EPHA6: variants seen among roughly 807,000 people sequenced by gnomAD.
The protein encoded by EPHA6 is EPH receptor A6, also known as ephrin type-A receptor 6.
In EPHA6, 50 loss-of-function variants were observed where a neutral mutation model predicts 112.0. The observed-to-expected ratio is 0.45, with a 90% confidence interval of 0.36 to 0.56. The LOEUF (loss-of-function observed/expected upper bound fraction) is 0.56. Ranked by LOEUF, EPHA6 falls within the 20% of genes least tolerant of loss-of-function variation. The pLI is 0.00. For synonymous variants in EPHA6, 529 were observed against 490.7 expected (o/e 1.08, Z -1.03); for missense variants, 1,280 against 1,417.4 (o/e 0.90, Z 1.56).
chr3:97,322,251 G>A lies in EPHA6; in HGVS notation c.1606+77964G>A, dbSNP rs369168462. 6.4e-4 allele frequency among the ~76,000 whole-genome samples: 97 copies of A among 152,104 alleles called. 1 individual carries two copies. The highest frequency in any genetic ancestry group is 2.3e-3 in the African/African-American group (96 of 41,478). On this transcript the variant is annotated intron_variant, in intron 5 of 17. Transcript: ENST00000389672. Reference sequence around the variant, plus strand: ...ATTTGTTTTTTAAGCCTCTGAGTTAGAGAAATATTTTGAATTTTGTACCAC... The same window carrying A: ...ATTTGTTTTTTAAGCCTCTGAGTTAAAGAAATATTTTGAATTTTGTACCAC...
At chr3:96,864,708 A>T (rs2107445510) in intron 1 of EPHA6, among the ~76,000 whole-genome samples, 1 of 152,176 alleles carries the variant, frequency 6.6e-6, no homozygotes. Context: ...AAATTTTAAT[A>T]AATCTAACTG....
intron 5 of EPHA6, among the ~76,000 whole-genome samples, chr3:97,348,196 T>C (rs1378771632): frequency 1.3e-5 from 2 of 152,128 alleles, no homozygotes; most frequent in African/African-American, 4.8e-5. Flanking sequence ...CTAAGTATTA[T>C]GTTTCTAAAA....
intron 3 of EPHA6, among the ~76,000 whole-genome samples, chr3:97,208,300 TA>T (rs2077768304): frequency 6.6e-6 from 1 of 152,224 alleles, no homozygotes; most frequent in South Asian, 2.1e-4. Context: ...TTTGGCAAGC[TA>T]TTTTAAAATA....
At chr3:97,543,595 T>C (rs903214593) in intron 11 of EPHA6, among the ~76,000 whole-genome samples, 1 of 152,192 alleles carries the variant, frequency 6.6e-6, no homozygotes, top group African/African-American at 2.4e-5. Flanking sequence ...TTTGGTTCCA[T>C]ATGAACTTTA....
At chr3:96,944,213 G>A (rs2041132305) in intron 2 of EPHA6, among the ~76,000 whole-genome samples, 1 of 151,930 alleles carries the variant, frequency 6.6e-6, no homozygotes, top group South Asian at 2.1e-4. Context: ...CACTCACATT[G>A]TCTACTTTAA....
At chr3:96,924,746 C>T (rs1384492137) in intron 2 of EPHA6, among the ~76,000 whole-genome samples, 3 of 152,096 alleles carry the variant, frequency 2.0e-5, no homozygotes, top group Non-Finnish European at 2.9e-5. Context: ...AGCTTTTGCA[C>T]ATTCAGTATG....
intron 5 of EPHA6, among the ~76,000 whole-genome samples, chr3:97,390,133 A>C (rs2086315649): frequency 6.6e-6 from 1 of 152,108 alleles, no homozygotes; most frequent in Non-Finnish European, 1.5e-5. Context: ...CAGCTGTGAA[A>C]ACACCTGGCT....
At chr3:97,487,336 AT>A (rs2091721759) in intron 10 of EPHA6, among the ~76,000 whole-genome samples, 1 of 152,270 alleles carries the variant, frequency 6.6e-6, no homozygotes, top group African/African-American at 2.4e-5. Context: ...TCAGAAATAA[AT>A]GTAAAACAGC....
At chr3:97,432,310 C>T (rs2089558539) in intron 6 of EPHA6, among the ~76,000 whole-genome samples, 1 of 152,098 alleles carries the variant, frequency 6.6e-6, no homozygotes, top group African/African-American at 2.4e-5. Context: ...ATGTTTTCAG[C>T]AACAACACAA....
intron 3 of EPHA6, among the ~76,000 whole-genome samples, chr3:97,197,572 C>T (rs1437790969): frequency 6.6e-6 from 1 of 151,728 alleles, no homozygotes; most frequent in Non-Finnish European, 1.5e-5. Context: ...TCTCTCCTTT[C>T]CCCTTTCTTT....
chr3:97,419,548 C>T (rs1412011222), intron 6 of EPHA6, among the ~76,000 whole-genome samples: 1 of 152,038 alleles, frequency 6.6e-6, no homozygotes, highest in East Asian at 1.9e-4. Flanking sequence ...TCGCTTGAAC[C>T]TGGGAGGCGG....
intron 5 of EPHA6, among the ~76,000 whole-genome samples, chr3:97,328,058 T>TAAATATAA (rs2082567716): frequency 7.0e-6 from 1 of 143,000 alleles, no homozygotes; most frequent in African/African-American, 2.7e-5. Context: ...TATACACATA[T>TAAATATAA]ATATATATAT....
At chr3:96,913,971 A>G (rs2039359937) in intron 2 of EPHA6, among the ~76,000 whole-genome samples, 1 of 152,150 alleles carries the variant, frequency 6.6e-6, no homozygotes, top group South Asian at 2.1e-4. Context: ...AATAATGTCT[A>G]TATTTCAAGC....
intron 3 of EPHA6, among the ~76,000 whole-genome samples, chr3:97,142,663 T>C (rs2075941628): frequency 1.3e-5 from 2 of 151,516 alleles, no homozygotes; most frequent in Admixed American, 1.3e-4. Flanking sequence ...TGAAATTGAG[T>C]CAGTAATAAA....
chr3:97,539,091 CCTTCCTTCCTTCCTTT>C (rs1255891992), intron 11 of EPHA6, among the ~76,000 whole-genome samples: 29 of 139,748 alleles, frequency 2.1e-4, no homozygotes, highest in African/African-American at 5.3e-4. Context: ...TTCCTTCCTT[CCTTCCTTCCTTCCTTT>C]CTTTCTTTCT....
At chr3:97,732,256 C>T (rs1299897008) in intron 15 of EPHA6, among the ~76,000 whole-genome samples, 2 of 151,412 alleles carry the variant, frequency 1.3e-5, no homozygotes, top group African/African-American at 4.9e-5. Flanking sequence ...GATCACATCT[C>T]CTTTCCTCAA....
intron 3 of EPHA6, among the ~76,000 whole-genome samples, chr3:97,052,472 T>G (rs2045715634): frequency 6.6e-6 from 1 of 152,162 alleles, no homozygotes; most frequent in Admixed American, 6.6e-5. Context: ...AAAGAGACTA[T>G]GCTACATTTA....
chr3:97,678,374 G>A (rs1307349680), intron 14 of EPHA6, among the ~76,000 whole-genome samples: 1 of 152,116 alleles, frequency 6.6e-6, no homozygotes, highest in Non-Finnish European at 1.5e-5. Context: ...AGGTTCAGAG[G>A]GTGCAGTTGG....
intron 5 of EPHA6, among the ~76,000 whole-genome samples, chr3:97,282,862 G>A (rs942161587): frequency 6.6e-6 from 1 of 152,142 alleles, no homozygotes; most frequent in Non-Finnish European, 1.5e-5. Context: ...GAGAGCATTA[G>A]GATAAATAGC....
Sources: gnomAD v4.1 joint callset for allele counts (sites outside exome capture counted in the v4.1 genomes callset) on GRCh38, gnomAD v4.1.1 for gene constraint, MANE v1.5 for transcripts, NCBI Gene and HGNC (gene_info 2026-07-23, HGNC 2026-07-21) for gene names.